Variants in STK3 observed in about 807,000 individuals in gnomAD.
STK3 encodes serine/threonine-protein kinase 3.
STK3 carries 41 observed loss-of-function variants against 58.0 expected under a neutral mutation model. That is an observed-to-expected ratio of 0.71 (90% CI 0.55 to 0.92). The LOEUF (loss-of-function observed/expected upper bound fraction) is 0.92, where lower values mean the gene tolerates loss of function less well. Among genes scored for constraint, STK3 ranks in the 40% least tolerant of loss-of-function variants. The pLI is 0.00. For synonymous variants in STK3, 170 were observed against 191.0 expected (o/e 0.89, Z 0.91); for missense variants, 479 against 602.7 (o/e 0.79, Z 2.15).
chr8:98,628,794 C>T (rs903926071), intron 6 of STK3, among the ~76,000 whole-genome samples: 37 of 115,122 alleles, frequency 3.2e-4, no homozygotes, highest in African/African-American at 1.4e-3. Context: ...AGAGGAATAT[C>T]CTGTCTCCAC....
chr8:98,443,372 G>A (rs1818770215), intron 1 of STK3, among the ~76,000 whole-genome samples: 1 of 151,894 alleles, frequency 6.6e-6, no homozygotes, highest in Admixed American at 6.5e-5. Context: ...GTGAATGGCA[G>A]TTTGTTTCCA....
At chr8:98,780,120 T>C (rs1334988607) in intron 1 of STK3, among the ~76,000 whole-genome samples, 1 of 151,528 alleles carries the variant, frequency 6.6e-6, no homozygotes, top group Non-Finnish European at 1.5e-5. Context: ...CATAACTATA[T>C]GGTAATTATT....
chr8:98,740,614 C>A lies in STK3; in HGVS notation c.351+8662G>T, dbSNP rs569261217. On this transcript the variant is annotated intron_variant, in intron 4 of 10. Transcript: ENST00000419617. ...AGGAAGCAATAAACATGGAAAGGAA[C>A]AACCGGTACCAGCCACTGCAAAATC... 5.5e-3 allele frequency among the ~76,000 whole-genome samples: 843 copies of A among 152,296 alleles called. 11 individuals are homozygous for A. The highest frequency in any genetic ancestry group is 0.02 in the African/African-American group (812 of 41,570).
chr8:98,537,650 C>A (rs1002146546), intron 9 of STK3, among the ~76,000 whole-genome samples: 1 of 152,020 alleles, frequency 6.6e-6, no homozygotes, highest in East Asian at 1.9e-4. Flanking sequence ...CAGCTGCAGC[C>A]GAATTCTGAC....
intron 1 of STK3, among the ~76,000 whole-genome samples, chr8:98,387,457 G>T (rs1437288115): frequency 6.6e-6 from 1 of 152,192 alleles, no homozygotes; most frequent in East Asian, 1.9e-4. Context: ...CTGATTAAAA[G>T]ACCTAGAGAC....
intron 1 of STK3, among the ~76,000 whole-genome samples, chr8:98,381,139 TTTTGTA>T (rs1450524855): frequency 6.6e-6 from 1 of 151,872 alleles, no homozygotes; most frequent in Non-Finnish European, 1.5e-5. Flanking sequence ...TCCGGCTAAT[TTTTGTA>T]TTTTTAGTAG....
intron 10 of STK3, among the ~76,000 whole-genome samples, chr8:98,509,368 A>C (rs996147204): frequency 2.6e-5 from 4 of 152,066 alleles, no homozygotes; most frequent in African/African-American, 9.6e-5. Context: ...CAGTGTACTC[A>C]TTTAAAAATC....
chr8:98,378,079 A>G (rs1390925480), intron 2 of STK3, among the ~76,000 whole-genome samples: 1 of 152,186 alleles, frequency 6.6e-6, no homozygotes, highest in African/African-American at 2.4e-5. Flanking sequence ...GAAAAGAAGC[A>G]AGACAGCTTC....
intron 7 of STK3, among the ~76,000 whole-genome samples, chr8:98,592,733 C>CTTTATTTATTTA (rs10557286): frequency 1.2e-3 from 171 of 139,616 alleles, no homozygotes; most frequent in East Asian, 4.0e-3. Context: ...CACTGACTTA[C>CTTTATTTATTTA]TTTATTTATT....
At chr8:98,904,826 A>C (rs1485304770) in intron 1 of STK3, 21 of 662,002 alleles carry the variant, frequency 3.2e-5, no homozygotes, top group Non-Finnish European at 6.1e-5. Context: ...CAGCAGCACA[A>C]GAACTTGGCA....
intron 8 of STK3, among the ~76,000 whole-genome samples, chr8:98,567,087 T>C (rs1183892822): frequency 6.6e-6 from 1 of 152,142 alleles, no homozygotes; most frequent in Non-Finnish European, 1.5e-5. Context: ...CAGATACACA[T>C]GTTAAGTCAA....
intron 7 of STK3, among the ~76,000 whole-genome samples, chr8:98,589,141 G>A (rs1814987359): frequency 6.6e-6 from 1 of 152,206 alleles, no homozygotes; most frequent in African/African-American, 2.4e-5. Context: ...TTGCTGGTGA[G>A]GAACTGCATT....
chr8:98,467,735 T>C (rs1348294080), intron 10 of STK3, among the ~76,000 whole-genome samples: 1 of 152,158 alleles, frequency 6.6e-6, no homozygotes, highest in Non-Finnish European at 1.5e-5. Context: ...ATTTCAATAA[T>C]AAGGGGCTCA....
chr8:98,709,758 C>A (rs1826250255), intron 4 of STK3, among the ~76,000 whole-genome samples: 5 of 152,088 alleles, frequency 3.3e-5, no homozygotes, highest in Non-Finnish European at 7.4e-5. Flanking sequence ...ATAAAACACA[C>A]AACTAATATG....
chr8:98,698,033 G>A (rs1413182318), intron 6 of STK3, among the ~76,000 whole-genome samples: 8 of 152,202 alleles, frequency 5.3e-5, no homozygotes, highest in Admixed American at 2.6e-4. Flanking sequence ...CTTGCTTTAT[G>A]AATCTGGGTG....
chr8:98,377,417 A>G (rs1451554801), intron 2 of STK3, among the ~76,000 whole-genome samples: 1 of 152,146 alleles, frequency 6.6e-6, no homozygotes, highest in Admixed American at 6.5e-5. Flanking sequence ...AGAAATTTCA[A>G]TACATTATTT....
At chr8:98,535,618 C>T (rs764442157) in intron 9 of STK3, among the ~76,000 whole-genome samples, 13 of 152,162 alleles carry the variant, frequency 8.5e-5, no homozygotes, top group Non-Finnish European at 1.5e-4. Flanking sequence ...ATACCACTGA[C>T]TCTTACTTTG....
At chr8:98,803,842 G>C (rs924850742) in intron 1 of STK3, among the ~76,000 whole-genome samples, 3 of 152,032 alleles carry the variant, frequency 2.0e-5, no homozygotes, top group African/African-American at 7.2e-5. Flanking sequence ...TTACCTGCTA[G>C]GGTAATCCAA....
In STK3 at chr8:98,778,269, A is replaced by C. The variant is rs189554446; in HGVS notation, c.27-3450T>G. On this transcript the variant is annotated intron_variant, in intron 1 of 10. Transcript: ENST00000419617. ...GAAGACATTTATGCAGCCAAAAGAC[A>C]CATGAAAACATGCTCATCATCACTG... Among the ~76,000 whole-genome samples, 40 of 152,392 alleles carry C rather than the reference A, an allele frequency of 2.6e-4. No individual in the cohort carries two copies. In the East Asian group the frequency reaches 2.7e-3, roughly 10 times the overall value.
Sources: allele counts gnomAD v4.1 joint callset (sites outside exome capture counted in the v4.1 genomes callset), GRCh38; gene constraint gnomAD v4.1.1; transcripts MANE v1.5; gene names NCBI Gene and HGNC (gene_info 2026-07-23, HGNC 2026-07-21).